Variants in LRBA observed in about 807,000 individuals in gnomAD.
The protein encoded by LRBA is LPS responsive beige-like anchor protein, also known as lipopolysaccharide-responsive and beige-like anchor protein.
LRBA carries 176 observed loss-of-function variants against 330.0 expected under a neutral mutation model. The ratio of observed to expected loss-of-function variants is 0.53; its 90% confidence interval spans 0.47 to 0.60. LRBA has a LOEUF of 0.60. Among genes scored for constraint, LRBA ranks in the 20% least tolerant of loss-of-function variants. The probability of loss-of-function intolerance (pLI) is 0.00; values close to 1 mark genes in which losing one functional copy is unlikely to be tolerated. For synonymous variants in LRBA, 1,230 were observed against 1,193.0 expected, an observed-to-expected ratio of 1.03 and a Z score of -0.64; for missense variants, 3,259 against 3,444.8, an observed-to-expected ratio of 0.95 and a Z score of 1.35.
intron 44 of LRBA, among the ~76,000 whole-genome samples, chr4:150,466,498 T>G (rs550430797): frequency 7.9e-5 from 12 of 152,072 alleles, no homozygotes; most frequent in Admixed American, 4.6e-4. Context: ...TTTAGAAGAG[T>G]TAAGGGAAAT....
At chr4:150,980,598 C>T (rs193118641) in intron 2 of LRBA, among the ~76,000 whole-genome samples, 216 of 151,940 alleles carry the variant, frequency 1.4e-3, no homozygotes, top group Non-Finnish European at 2.5e-3. Flanking sequence ...TGCAGTGAGA[C>T]GAGATCACGC....
At chr4:150,517,808 T>G (rs1334491384) in intron 40 of LRBA, among the ~76,000 whole-genome samples, 2 of 152,196 alleles carry the variant, frequency 1.3e-5, no homozygotes, top group Non-Finnish European at 2.9e-5. Context: ...CAAGACCCCT[T>G]AGGGGACATC....
intron 47 of LRBA, among the ~76,000 whole-genome samples, chr4:150,355,186 G>A (rs1034944671): frequency 5.9e-5 from 9 of 151,790 alleles, no homozygotes; most frequent in African/African-American, 2.2e-4. Flanking sequence ...CATTAACTAT[G>A]TATTTAATCT....
chr4:150,954,131 GC>G (rs1346279560), intron 2 of LRBA, among the ~76,000 whole-genome samples: 14 of 148,062 alleles, frequency 9.5e-5, no homozygotes, highest in Non-Finnish European at 2.1e-4. Context: ...CCCGGCAGCC[GC>G]CCCGTCGGGG....
intron 46 of LRBA, among the ~76,000 whole-genome samples, chr4:150,417,098 A>G (rs990819350): frequency 4.6e-5 from 7 of 152,130 alleles, no homozygotes; most frequent in South Asian, 4.1e-4. Flanking sequence ...CATTTTAAGT[A>G]TAAGTTTTTA....
At position 150,565,757 on chromosome 4, in the gene LRBA, T is replaced by C. The variant is rs142796796; in HGVS notation, c.6330+22291A>G. ...AAGCTATACCACCTAAGAGTTATTC[T>C]AAAATATTTTATAGTGTGAAATACA... On this transcript the variant is annotated intron_variant, in intron 40 of 56. Transcript: ENST00000651943. 6.4e-3 allele frequency among the ~76,000 whole-genome samples: 974 copies of C among 152,196 alleles called. 14 individuals carry two copies. The highest frequency in any genetic ancestry group is 0.022 in the African/African-American group (920 of 41,534).
chr4:150,771,856 G>A (rs777737772), intron 34 of LRBA, among the ~76,000 whole-genome samples: 7 of 152,170 alleles, frequency 4.6e-5, no homozygotes, highest in Non-Finnish European at 1.0e-4. Flanking sequence ...TGGGGAAAGA[G>A]GCTGACTAGT....
chr4:150,298,600 T>G (rs996180665), intron 53 of LRBA, among the ~76,000 whole-genome samples: 1 of 152,134 alleles, frequency 6.6e-6, no homozygotes, highest in Non-Finnish European at 1.5e-5. Flanking sequence ...AGCCTTATGG[T>G]TAATAAAACC....
chr4:150,339,474 A>C (rs1379674817), intron 48 of LRBA, among the ~76,000 whole-genome samples: 1 of 152,172 alleles, frequency 6.6e-6, no homozygotes, highest in Non-Finnish European at 1.5e-5. Context: ...ATTTTCAAGA[A>C]GCAGATTCTT....
chr4:150,459,482 G>A (rs1699669358), intron 44 of LRBA, among the ~76,000 whole-genome samples: 2 of 152,042 alleles, frequency 1.3e-5, no homozygotes, highest in Non-Finnish European at 1.5e-5. Flanking sequence ...TTACCACTTG[G>A]AAAATGTGTG....
chr4:150,616,262 C>T (rs1775763540), intron 37 of LRBA, among the ~76,000 whole-genome samples: 1 of 151,952 alleles, frequency 6.6e-6, no homozygotes, highest in Non-Finnish European at 1.5e-5. Flanking sequence ...AAGCAAGTGA[C>T]CAAAGCTGGA....
intron 35 of LRBA, among the ~76,000 whole-genome samples, chr4:150,751,805 A>G (rs967087197): frequency 6.6e-5 from 10 of 152,300 alleles, no homozygotes; most frequent in Admixed American, 3.3e-4. Context: ...TGGAGGCTCA[A>G]TAAATAACAG....
At chr4:150,847,522 T>C (rs1440427046) in intron 26 of LRBA, among the ~76,000 whole-genome samples, 2 of 152,206 alleles carry the variant, frequency 1.3e-5, no homozygotes, top group African/African-American at 4.8e-5. Flanking sequence ...TCTTGCTAAA[T>C]ATGAAAAAAT....
At chr4:150,763,428 A>G (rs1441741035) in intron 34 of LRBA, among the ~76,000 whole-genome samples, 1 of 152,042 alleles carries the variant, frequency 6.6e-6, no homozygotes, top group Non-Finnish European at 1.5e-5. Context: ...TACTGAATTC[A>G]TATTTTACCA....
chr4:150,727,530 T>C (rs975681589), intron 36 of LRBA, among the ~76,000 whole-genome samples: 2 of 152,106 alleles, frequency 1.3e-5, no homozygotes, highest in Non-Finnish European at 2.9e-5. Flanking sequence ...CTGACCACAA[T>C]GAAATATAAC....
intron 16 of LRBA, 92 bp from the exon 17 acceptor site, chr4:150,893,241 G>T: frequency 1.5e-6 from 1 of 670,160 alleles, no homozygotes; most frequent in Admixed American, 2.6e-5. Context: ...TTCAACATTA[G>T]AAATATAAGT....
chr4:150,877,212 C>T (rs1411563806), intron 17 of LRBA, among the ~76,000 whole-genome samples: 1 of 149,430 alleles, frequency 6.7e-6, no homozygotes, highest in East Asian at 2.0e-4. Flanking sequence ...GAGCAGAGAT[C>T]GCGCCACTGC....
At chr4:150,943,532 G>C (rs188504616) in intron 2 of LRBA, among the ~76,000 whole-genome samples, 1 of 152,304 alleles carries the variant, frequency 6.6e-6, no homozygotes, top group African/African-American at 2.4e-5. Flanking sequence ...AAAAGTGCTT[G>C]AAGTCTTAGA....
intron 40 of LRBA, among the ~76,000 whole-genome samples, chr4:150,523,365 G>C (rs1763128043): frequency 6.6e-6 from 1 of 151,954 alleles, no homozygotes; most frequent in South Asian, 2.1e-4. Context: ...AGGTTGAAGG[G>C]GCCACTATCT....
Sources: allele counts gnomAD v4.1 joint callset (sites outside exome capture counted in the v4.1 genomes callset), GRCh38; gene constraint gnomAD v4.1.1; transcripts MANE v1.5; gene names NCBI Gene and HGNC (gene_info 2026-07-23, HGNC 2026-07-21).